CNTN6: variants seen among roughly 807,000 people sequenced by gnomAD.
The protein encoded by CNTN6 is contactin 6.
A neutral mutation model predicts 122.8 loss-of-function variants in CNTN6; 137 were observed. The observed-to-expected ratio is 1.12, with a 90% confidence interval of 0.97 to 1.29. The LOEUF (loss-of-function observed/expected upper bound fraction) is 1.29. Ranked by LOEUF, CNTN6 falls within the 50% of genes most tolerant of loss-of-function variation. CNTN6 has a pLI of 0.00. For synonymous variants in CNTN6, 570 were observed against 426.0 expected, an observed-to-expected ratio of 1.34 and a Z score of -4.16; for missense variants, 1,634 against 1,223.4, an observed-to-expected ratio of 1.34 and a Z score of -5.01.
chr3:1,341,071 A>T (rs572961514), intron 11 of CNTN6, among the ~76,000 whole-genome samples: 5 of 152,256 alleles, frequency 3.3e-5, no homozygotes, highest in African/African-American at 9.6e-5. Context: ...TAATAATAGC[A>T]TAGGCAGAAT....
intron 1 of CNTN6, among the ~76,000 whole-genome samples, chr3:1,136,597 G>A (rs567540306): frequency 2.0e-5 from 3 of 152,138 alleles, no homozygotes; most frequent in Non-Finnish European, 4.4e-5. Context: ...TAAACACACT[G>A]TAGGAAGCCT....
chr3:1,112,065 G>A (rs368563103), intron 1 of CNTN6, among the ~76,000 whole-genome samples: 3 of 152,102 alleles, frequency 2.0e-5, no homozygotes, highest in East Asian at 1.9e-4. Context: ...ATCATGATAC[G>A]AATAAGCTGG....
intron 7 of CNTN6, among the ~76,000 whole-genome samples, chr3:1,300,208 G>A (rs925395583): frequency 6.6e-6 from 1 of 152,040 alleles, no homozygotes; most frequent in Non-Finnish European, 1.5e-5. Flanking sequence ...GGATGGTCTC[G>A]ATCTGCTGAC....
chr3:1,382,682 T>G (rs1559979776), intron 17 of CNTN6, among the ~76,000 whole-genome samples: 1 of 152,176 alleles, frequency 6.6e-6, no homozygotes, highest in Non-Finnish European at 1.5e-5. Context: ...AATTTATGAA[T>G]GATCAAAGAA....
intron 2 of CNTN6, among the ~76,000 whole-genome samples, chr3:1,172,864 G>T (rs1474740613): frequency 1.3e-5 from 2 of 152,132 alleles, no homozygotes; most frequent in Non-Finnish European, 2.9e-5. Flanking sequence ...GAGGCAGCTG[G>T]CCTCTGGTCT....
intron 4 of CNTN6, among the ~76,000 whole-genome samples, chr3:1,260,908 C>G (rs1021480005): frequency 6.6e-6 from 1 of 152,068 alleles, no homozygotes; most frequent in African/African-American, 2.4e-5. Flanking sequence ...TATAAATTAC[C>G]CAGTGTCAGG....
chr3:1,152,364 C>G (rs897669394), intron 2 of CNTN6, among the ~76,000 whole-genome samples: 32 of 152,204 alleles, frequency 2.1e-4, no homozygotes, highest in African/African-American at 7.5e-4. Context: ...GTCTCAAACT[C>G]CTGAGCTCAG....
chr3:1,234,925 G>A (rs150461421), intron 4 of CNTN6, among the ~76,000 whole-genome samples: 231 of 152,234 alleles, frequency 1.5e-3, no homozygotes, highest in African/African-American at 5.3e-3. Flanking sequence ...AAATAATTCA[G>A]ATCTTAAACA....
In CNTN6 at chr3:1,331,590, A is replaced by G. The variant is rs114815538; in HGVS notation, c.1364+1655A>G. Among the ~76,000 whole-genome samples, 925 of 152,050 alleles carry G rather than the reference A, an allele frequency of 6.1e-3. 6 individuals are homozygous for G. The highest frequency in any genetic ancestry group is 9.5e-3 in the Non-Finnish European group (644 of 67,910). ...TTTCCTCATGCATTCCTAAAATCTA[A>G]TCAAGGTTTGAATACACTGCTGTGG... On this transcript the variant is annotated intron_variant, in intron 11 of 22. Transcript: ENST00000446702.
intron 1 of CNTN6, among the ~76,000 whole-genome samples, chr3:1,144,615 AGAAT>A (rs1222393685): frequency 6.6e-6 from 1 of 151,846 alleles, no homozygotes; most frequent in Non-Finnish European, 1.5e-5. Context: ...AAATAAAAAA[AGAAT>A]GAAGGGGCTT....
chr3:1,257,642 T>C (rs73109281), intron 4 of CNTN6, among the ~76,000 whole-genome samples: 4,234 of 152,184 alleles, frequency 0.028, 195 homozygotes, highest in African/African-American at 0.096. Context: ...TTTTCTGCTG[T>C]GGAGGCAGTA....
chr3:1,328,058 G>T (rs565667953), intron 10 of CNTN6, among the ~76,000 whole-genome samples: 1 of 151,904 alleles, frequency 6.6e-6, no homozygotes, highest in African/African-American at 2.4e-5. Context: ...GTTACAAGAT[G>T]GCTGCTCTAG....
At chr3:1,334,759 T>C (rs1405786811) in intron 11 of CNTN6, among the ~76,000 whole-genome samples, 2 of 152,124 alleles carry the variant, frequency 1.3e-5, no homozygotes, top group African/African-American at 4.8e-5. Context: ...AGGCCTAGCA[T>C]CCACCACAAA....
chr3:1,188,033 CT>C (rs201497847), intron 2 of CNTN6, among the ~76,000 whole-genome samples: 19 of 152,174 alleles, frequency 1.2e-4, no homozygotes, highest in African/African-American at 2.4e-4. Flanking sequence ...AAATCTTACT[CT>C]TTTTTTTCTA....
intron 11 of CNTN6, among the ~76,000 whole-genome samples, chr3:1,346,962 T>C (rs973024808): frequency 6.6e-5 from 10 of 152,194 alleles, no homozygotes; most frequent in Non-Finnish European, 1.0e-4. Flanking sequence ...TAGGACTACC[T>C]ACCTTCCCTG....
At chr3:1,372,552 C>T (rs1709201706) in intron 13 of CNTN6, 78 bp downstream of exon 13, 2 of 1,196,202 alleles carry the variant, frequency 1.7e-6, no homozygotes, top group South Asian at 3.1e-5. Flanking sequence ...CATAGTTACT[C>T]TCTCCATCTT....
At chr3:1,173,773 TG>T (rs1234452910) in intron 2 of CNTN6, among the ~76,000 whole-genome samples, 2 of 122,412 alleles carry the variant, frequency 1.6e-5, no homozygotes, top group Non-Finnish European at 3.6e-5. Flanking sequence ...ATTTTCCTTT[TG>T]GGGAAAAAAA....
intron 2 of CNTN6, among the ~76,000 whole-genome samples, chr3:1,183,114 C>T (rs749807158): frequency 1.3e-5 from 2 of 151,938 alleles, no homozygotes; most frequent in African/African-American, 2.4e-5. Flanking sequence ...GTCCGGTATA[C>T]GAAGATAAAA....
intron 2 of CNTN6, among the ~76,000 whole-genome samples, chr3:1,175,222 CAAAAAAA>C (rs61606722): frequency 1.3e-5 from 1 of 76,850 alleles, no homozygotes; most frequent in Non-Finnish European, 2.5e-5. Flanking sequence ...GACTTTGTCT[CAAAAAAA>C]AAAAAAAAAA....
Sources: gnomAD v4.1 joint callset for allele counts (sites outside exome capture counted in the v4.1 genomes callset) on GRCh38, gnomAD v4.1.1 for gene constraint, MANE v1.5 for transcripts, NCBI Gene and HGNC (gene_info 2026-07-23, HGNC 2026-07-21) for gene names.